ZNF787: variants seen among roughly 807,000 people sequenced by gnomAD.
ZNF787 encodes TTF-I-interacting peptide 20.
Under a neutral mutation model 16.9 loss-of-function variants are expected in ZNF787, and 7 were observed. The ratio of observed to expected loss-of-function variants is 0.42; its 90% CI spans 0.24 to 0.78. The LOEUF is 0.78. ZNF787 is among the 30% of genes least tolerant of loss of function. The pLI, the probability that ZNF787 is intolerant of heterozygous loss-of-function variation, is 0.30. For missense variants in ZNF787, 551 were observed against 589.3 expected (o/e 0.94, Z 0.67); for synonymous variants, 345 against 270.9 (o/e 1.27, Z -2.69).
At chr19:56,097,737 G>A (rs187501223) in intron 2 of ZNF787, among the ~76,000 whole-genome samples, 113 of 152,360 alleles carry the variant, frequency 7.4e-4, no homozygotes, top group Non-Finnish European at 2.1e-4. Flanking sequence ...CAAAGGCGCT[G>A]CAGAGCCAGT....
rs920896590 is a variant in ZNF787, at chr19:56,094,788, C to T, written c.80-5696G>A. 2.0e-5 allele frequency among the ~76,000 whole-genome samples: 3 copies of T among 152,164 alleles called. No individual in the cohort carries two copies. The South Asian group carries it at 6.2e-4, about 32-fold the overall frequency. ...AGCAGGGGATGGTTCAGGGATGAAACTGTTCCACTTCAGATCACCAGGCAT... is the reference window on the plus strand; with the variant it reads ...AGCAGGGGATGGTTCAGGGATGAAATTGTTCCACTTCAGATCACCAGGCAT... On this transcript the variant is annotated intron_variant, in intron 2 of 2. Transcript: ENST00000610935.
chr19:56,104,493 A>T (rs1440492417), intron 1 of ZNF787, among the ~76,000 whole-genome samples: 1 of 147,416 alleles, frequency 6.8e-6, no homozygotes, highest in Non-Finnish European at 1.5e-5. Flanking sequence ...ACGCACGCCG[A>T]CCCGTGCCAC....
At chr19:56,100,844 G>A (rs1226905841) in intron 2 of ZNF787, among the ~76,000 whole-genome samples, 2 of 137,094 alleles carry the variant, frequency 1.5e-5, no homozygotes, top group African/African-American at 2.8e-5. Flanking sequence ...CCCCACCTAC[G>A]ATGTCTGTCA....
intron 2 of ZNF787, among the ~76,000 whole-genome samples, chr19:56,090,816 C>A (rs1229335901): frequency 6.6e-6 from 1 of 152,172 alleles, no homozygotes. Flanking sequence ...AGCAAGACTC[C>A]ATCTCAAAAC....
chr19:56,107,447 T>C (rs1288292020), intron 1 of ZNF787, among the ~76,000 whole-genome samples: 1 of 151,268 alleles, frequency 6.6e-6, no homozygotes. Flanking sequence ...GACATAAGGG[T>C]CACTGGGAGA....
chr19:56,098,556 T>G (rs1412115131), intron 2 of ZNF787, among the ~76,000 whole-genome samples: 4 of 118,118 alleles, frequency 3.4e-5, no homozygotes, highest in South Asian at 5.3e-4. Context: ...GGCCGCCGGG[T>G]GATGGAGCCT....
intron 1 of ZNF787, among the ~76,000 whole-genome samples, chr19:56,118,218 G>A (rs556717988): frequency 2.8e-4 from 42 of 152,356 alleles, no homozygotes; most frequent in Admixed American, 7.8e-4. Context: ...GATGCTGGGT[G>A]AGTGAGGCCT....
At chr19:56,114,788 G>A (rs2030083816) in intron 1 of ZNF787, among the ~76,000 whole-genome samples, 1 of 151,740 alleles carries the variant, frequency 6.6e-6, no homozygotes, top group Admixed American at 6.6e-5. Flanking sequence ...GGGGTGTCCA[G>A]CACCTGCTGC....
intron 2 of ZNF787, among the ~76,000 whole-genome samples, chr19:56,099,710 C>CA (rs10683508): frequency 0.024 from 2,511 of 106,558 alleles, 132 homozygotes; most frequent in Admixed American, 0.071. Context: ...GGCTCCGTCT[C>CA]AAAAAAAAAA....
Position 56,088,215 on chromosome 19 carries a change from G to T in ZNF787, c.957C>A (p.Cys319Ter). 6.6e-7 allele frequency: 1 copy of T among 1,518,402 alleles called. No individual in the cohort carries two copies. The allele number at this position is 1,518,402 out of a possible 1,614,324, so 94.1% of individuals were successfully genotyped here. Residue 319 changes from cysteine to a stop codon, truncating the protein, a stop_gained, in exon 3 of 3, where the codon TGC becomes TGA. Transcript: ENST00000610935. LOFTEE classifies it high-confidence loss of function. This position sits in a 1 kb window ranked among gnomAD's most constrained non-coding sequence, Gnocchi z 8.6. The part of the protein sequence containing the change: ...AAGGEEPAHI[C>*]VECGEGFVQG... ...GCACGAAGCCCTCCCCGCACTCCAC[G>T]CAGATGTGGGCCGGCTCCTCGCCCC...
At chr19:56,095,467 C>T (rs1270446392) in intron 2 of ZNF787, among the ~76,000 whole-genome samples, 1 of 152,142 alleles carries the variant, frequency 6.6e-6, no homozygotes, top group East Asian at 1.9e-4. Flanking sequence ...GTATAAGTTT[C>T]CTTGAATTTC....
At chr19:56,109,281 A>G (rs2029911654) in intron 1 of ZNF787, among the ~76,000 whole-genome samples, 1 of 152,166 alleles carries the variant, frequency 6.6e-6, no homozygotes, top group Admixed American at 6.5e-5. Flanking sequence ...GACGGCACAG[A>G]ACAGGCCACC....
chr19:56,089,270 C>G (rs536409244), intron 2 of ZNF787, among the ~76,000 whole-genome samples, 178 bp from the exon 3 acceptor site: 5 of 152,132 alleles, frequency 3.3e-5, no homozygotes, highest in Non-Finnish European at 7.4e-5. Context: ...CTCTCCCCAG[C>G]TAAGACCTCA....
chr19:56,098,001 A>G (rs980517256), intron 2 of ZNF787, among the ~76,000 whole-genome samples: 1 of 152,136 alleles, frequency 6.6e-6, no homozygotes, highest in Non-Finnish European at 1.5e-5. Flanking sequence ...AAGCCCAGCA[A>G]GGGCACCCCC....
intron 1 of ZNF787, among the ~76,000 whole-genome samples, chr19:56,114,221 G>A (rs945170905): frequency 2.6e-5 from 4 of 152,144 alleles, no homozygotes; most frequent in Admixed American, 6.5e-5. Flanking sequence ...GCAGTGCACT[G>A]CTCCTGATGC....
chr19:56,120,443 G>A (rs1025665197), intron 1 of ZNF787, among the ~76,000 whole-genome samples: 10 of 152,194 alleles, frequency 6.6e-5, no homozygotes, highest in African/African-American at 2.4e-4. Flanking sequence ...TGCCCCGTGG[G>A]CCACGCGGTG....
At chr19:56,098,561 G>A (rs1169827350) in intron 2 of ZNF787, among the ~76,000 whole-genome samples, 5 of 142,330 alleles carry the variant, frequency 3.5e-5, no homozygotes, top group Non-Finnish European at 7.5e-5. Flanking sequence ...CCGGGTGATG[G>A]AGCCTAGGTG....
At chr19:56,096,214 T>A (rs964207024) in intron 2 of ZNF787, among the ~76,000 whole-genome samples, 1 of 107,786 alleles carries the variant, frequency 9.3e-6, no homozygotes, top group African/African-American at 2.8e-5. Context: ...GGAAACATAG[T>A]GAGACCCCGT....
chr19:56,089,146 C>T, intron 2 of ZNF787, 54 bp from the exon 3 acceptor site: 1 of 1,347,902 alleles, frequency 7.4e-7, no homozygotes, highest in Non-Finnish European at 9.7e-7. Flanking sequence ...GGGCTCCACG[C>T]CTGCCTTGGC....
Sources: allele counts gnomAD v4.1 joint callset (sites outside exome capture counted in the v4.1 genomes callset), GRCh38; gene constraint gnomAD v4.1.1; non-coding constraint Gnocchi (gnomAD v3.1); transcripts MANE v1.5; gene names NCBI Gene and HGNC (gene_info 2026-07-23, HGNC 2026-07-21).